The following ACOT1 variants were observed in gnomAD, a reference collection of about 807,000 sequenced individuals.
ACOT1 encodes acyl-coenzyme A thioesterase 1.
Under a neutral mutation model 15.7 loss-of-function variants are expected in ACOT1, and 8 were observed. The observed-to-expected ratio is 0.51, with a 90% confidence interval of 0.30 to 0.92. ACOT1 has a LOEUF of 0.92. ACOT1 is among the 40% of genes least tolerant of loss of function. ACOT1 has a pLI of 0.06. For missense variants in ACOT1, 151 were observed against 539.4 expected (o/e 0.28, Z 7.13); for synonymous variants, 67 against 241.2 (o/e 0.28, Z 6.69).
At chr14:73,519,075 C>G in the ACOT1 span, 1 of 1,613,986 alleles carries the variant, frequency 6.2e-7, no homozygotes, top group Non-Finnish European at 8.5e-7. Context: ...CAGGGAAGAC[C>G]TTAGATAGCT....
the ACOT1 span, among the ~76,000 whole-genome samples, chr14:73,502,174 G>A: frequency 7.2e-5 from 11 of 151,728 alleles, no homozygotes; most frequent in South Asian, 4.2e-4. Context: ...GATTACAGGC[G>A]TGTGCCACTG....
At chr14:73,511,866 G>A in the ACOT1 span, 1 of 891,346 alleles carries the variant, frequency 1.1e-6, no homozygotes, top group Non-Finnish European at 1.7e-6. Flanking sequence ...TGATAAGCAT[G>A]TATATATAGG....
At chr14:73,512,432 G>T in the ACOT1 span, among the ~76,000 whole-genome samples, 1 of 152,140 alleles carries the variant, frequency 6.6e-6, no homozygotes, top group Non-Finnish European at 1.5e-5. Context: ...AAATAAAAGT[G>T]ACAATAAAAC....
the ACOT1 span, chr14:73,492,506 G>A: frequency 1.4e-5 from 23 of 1,613,662 alleles, no homozygotes; most frequent in Non-Finnish European, 1.9e-5. The surrounding 1 kb of genome is among the most constrained non-coding windows in gnomAD (Gnocchi z 4.9). Context: ...TGTTGATGCT[G>A]TGGCCGACCA....
At chr14:73,522,999 TGAA>T in the ACOT1 span, 1 of 1,613,970 alleles carries the variant, frequency 6.2e-7, no homozygotes, top group East Asian at 2.2e-5. Context: ...TACTGTGAGC[TGAA>T]GAAGACCATA....
the ACOT1 span, chr14:73,498,453 C>T: frequency 3.1e-6 from 3 of 953,924 alleles, no homozygotes; most frequent in East Asian, 2.7e-5. Context: ...GGATGGTAAT[C>T]ACCATTAGAA....
chr14:73,505,480 T>A, the ACOT1 span, among the ~76,000 whole-genome samples: 2 of 151,848 alleles, frequency 1.3e-5, no homozygotes, highest in Non-Finnish European at 2.9e-5. Flanking sequence ...CACTGCAACC[T>A]CTCCCTCCCA....
At chr14:73,512,072 C>A in the ACOT1 span, 1 of 1,614,018 alleles carries the variant, frequency 6.2e-7, no homozygotes, top group African/African-American at 1.3e-5. Context: ...GTGGTGATAG[C>A]TTTGATCCGA....
the ACOT1 span, chr14:73,506,539 C>T: frequency 6.2e-7 from 1 of 1,613,704 alleles, no homozygotes; most frequent in South Asian, 1.1e-5. Context: ...GACAGCTGTT[C>T]AGCTCCACAG....
At chr14:73,502,087 T>C in the ACOT1 span, among the ~76,000 whole-genome samples, 3 of 147,566 alleles carry the variant, frequency 2.0e-5, no homozygotes, top group Non-Finnish European at 4.5e-5. Context: ...AGAGGCAAGG[T>C]CTTGCTATGT....
At chr14:73,517,349 T>C in the ACOT1 span, 1 of 152,136 alleles carries the variant, frequency 6.6e-6, no homozygotes, top group Non-Finnish European at 1.5e-5. Context: ...AATTTTATAG[T>C]ATGTAAATTC....
chr14:73,531,817 C>T, the ACOT1 span, among the ~76,000 whole-genome samples: 3 of 111,022 alleles, frequency 2.7e-5, 1 homozygote, highest in East Asian at 1.5e-3. Flanking sequence ...GTCAGGAGTT[C>T]GAGACCAGCC....
chr14:73,532,651 T>C (rs548549911), upstream of ACOT1, among the ~76,000 whole-genome samples: 213 of 115,344 alleles, frequency 1.8e-3, 54 homozygotes, highest in African/African-American at 5.7e-3. Flanking sequence ...GGGTACGTTT[T>C]TGGTATGAAA....
the ACOT1 span, chr14:73,491,183 C>G: frequency 3.1e-6 from 5 of 1,598,760 alleles, no homozygotes; most frequent in Non-Finnish European, 4.3e-6. Flanking sequence ...GCTGAGGACG[C>G]AGACGCTGCC....
the ACOT1 span, among the ~76,000 whole-genome samples, chr14:73,528,203 T>G: frequency 6.6e-6 from 1 of 151,252 alleles, no homozygotes; most frequent in African/African-American, 2.4e-5. Context: ...GAAATCAGTC[T>G]GGCCAACATG....
chr14:73,513,110 A>G, the ACOT1 span, among the ~76,000 whole-genome samples: 1 of 152,244 alleles, frequency 6.6e-6, no homozygotes, highest in African/African-American at 2.4e-5. Context: ...GTTGGACAGC[A>G]TATTTTGTTC....
chr14:73,521,663 G>A, the ACOT1 span, among the ~76,000 whole-genome samples: 1 of 152,194 alleles, frequency 6.6e-6, no homozygotes, highest in Non-Finnish European at 1.5e-5. Context: ...TGAGATAGAA[G>A]CAATCTAAGA....
At chr14:73,493,546 A>G in the ACOT1 span, among the ~76,000 whole-genome samples, 1 of 152,066 alleles carries the variant, frequency 6.6e-6, no homozygotes, top group East Asian at 1.9e-4. Context: ...CTCTTAAGGA[A>G]GAGACTCTCA....
chr14:73,523,556 A>G, the ACOT1 span, among the ~76,000 whole-genome samples: 3,682 of 152,316 alleles, frequency 0.024, 83 homozygotes, highest in Middle Eastern at 0.068. Context: ...AGTTCAGACT[A>G]TTCAGCATGG....
Sources: gnomAD v4.1 joint callset for allele counts (sites outside exome capture counted in the v4.1 genomes callset) on GRCh38, gnomAD v4.1.1 for gene constraint, Gnocchi (gnomAD v3.1) non-coding constraint, MANE v1.5 for transcripts, NCBI Gene and HGNC (gene_info 2026-07-23, HGNC 2026-07-21) for gene names.